Variants in KATNAL1 observed in about 807,000 individuals in gnomAD.
The protein encoded by KATNAL1 is katanin catalytic subunit A1 like 1.
KATNAL1 carries 32 observed loss-of-function variants against 55.2 expected under a neutral mutation model. The ratio of observed to expected loss-of-function variants is 0.58; its 90% CI spans 0.44 to 0.78. The LOEUF is 0.78. Among genes scored for constraint, KATNAL1 ranks in the 30% least tolerant of loss-of-function variants. The pLI is 0.00. For synonymous variants in KATNAL1, 193 were observed against 193.6 expected (o/e 1.00, Z 0.02); for missense variants, 466 against 600.9 (o/e 0.78, Z 2.35).
chr13:30,230,809 G>C (rs1030599332), intron 7 of KATNAL1, among the ~76,000 whole-genome samples: 23 of 152,272 alleles, frequency 1.5e-4, no homozygotes, highest in Middle Eastern at 6.8e-3. Context: ...CTGGGTGATA[G>C]ATACATAGGG....
At chr13:30,232,601 G>A (rs550585353) in intron 6 of KATNAL1, among the ~76,000 whole-genome samples, 86 of 152,238 alleles carry the variant, frequency 5.6e-4, no homozygotes, top group African/African-American at 1.9e-3. Context: ...TTATTTCTCC[G>A]ATGCCTTTTT....
At chr13:30,303,264 CA>C (rs776545849) in intron 1 of KATNAL1, among the ~76,000 whole-genome samples, 1 of 152,336 alleles carries the variant, frequency 6.6e-6, no homozygotes, top group East Asian at 1.9e-4. Flanking sequence ...AAAACTACTC[CA>C]TTTTTTTTAA....
intron 3 of KATNAL1, among the ~76,000 whole-genome samples, chr13:30,265,892 A>G (rs1357529372): frequency 6.6e-6 from 1 of 150,750 alleles, no homozygotes; most frequent in Non-Finnish European, 1.5e-5. Context: ...CGTGCCTATA[A>G]TCCCAGCTAC....
chr13:30,283,865 T>C lies in KATNAL1; in HGVS notation c.-14-74A>G, dbSNP rs919796566. 1.1e-5 allele frequency: 11 copies of C among 1,046,710 alleles called. No homozygotes were observed. The Admixed American group carries it at 2.0e-4, about 19-fold the overall frequency. The allele number at this position is 1,046,710 out of a possible 1,614,324, so 64.8% of individuals were successfully genotyped here. The stretch of plus-strand genomic sequence containing the variant: ...AAAACATTTATTATTCTTTAAAATA[T>C]GTTTAAAACTACTTTTTTTTTTTTT... On this transcript the variant is annotated intron_variant, in intron 1 of 10. Coordinates refer to ENST00000380615, the MANE Select transcript of KATNAL1 (RefSeq NM_032116.5).
At chr13:30,231,243 A>G (rs894259072) in intron 7 of KATNAL1, 71 bp downstream of exon 7, 1 of 1,232,940 alleles carries the variant, frequency 8.1e-7, no homozygotes, top group Non-Finnish European at 1.1e-6. Flanking sequence ...TTCCAGGTGG[A>G]CAGAACTGAT....
At chr13:30,224,468 AGGCT>A (rs1875234025) in intron 9 of KATNAL1, among the ~76,000 whole-genome samples, 1 of 151,924 alleles carries the variant, frequency 6.6e-6, no homozygotes, top group Non-Finnish European at 1.5e-5. Context: ...CAAAAGTTTG[AGGCT>A]GCAGTGAGCT....
At chr13:30,234,957 A>T (rs1876504321) in intron 6 of KATNAL1, among the ~76,000 whole-genome samples, 1 of 152,176 alleles carries the variant, frequency 6.6e-6, no homozygotes, top group African/African-American at 2.4e-5. Flanking sequence ...TATGCCAACA[A>T]GACTACTCAG....
chr13:30,257,479 G>A (rs1413355679), intron 3 of KATNAL1, among the ~76,000 whole-genome samples: 2 of 152,206 alleles, frequency 1.3e-5, no homozygotes, highest in African/African-American at 4.8e-5. Context: ...CTGGATGCCA[G>A]GCTGCTTGCC....
chr13:30,289,036 T>C (rs1464332131), intron 1 of KATNAL1, among the ~76,000 whole-genome samples: 6 of 152,242 alleles, frequency 3.9e-5, no homozygotes, highest in Non-Finnish European at 8.8e-5. Context: ...TTTACTACCA[T>C]CAGTTATAAC....
chr13:30,221,635 C>T (rs1566088903), intron 9 of KATNAL1, among the ~76,000 whole-genome samples: 1 of 152,188 alleles, frequency 6.6e-6, no homozygotes, highest in Non-Finnish European at 1.5e-5. Context: ...TATTTATTAT[C>T]CTCAAAGTTT....
intron 9 of KATNAL1, among the ~76,000 whole-genome samples, chr13:30,213,877 C>T (rs1344199199): frequency 6.6e-6 from 1 of 152,068 alleles, no homozygotes; most frequent in African/African-American, 2.4e-5. Flanking sequence ...ACAGGGATGC[C>T]CTCTCTCACC....
At chr13:30,218,205 A>AATATATATATATATAT (rs34056263) in intron 9 of KATNAL1, among the ~76,000 whole-genome samples, 4 of 139,502 alleles carry the variant, frequency 2.9e-5, no homozygotes, top group African/African-American at 1.1e-4. Flanking sequence ...CAGTAAAAGG[A>AATATATATATATATAT]ATATATATAT....
intron 4 of KATNAL1, among the ~76,000 whole-genome samples, chr13:30,246,779 A>G (rs1472170383): frequency 2.0e-5 from 3 of 152,094 alleles, no homozygotes; most frequent in Non-Finnish European, 4.4e-5. Flanking sequence ...TGTGGCCAAC[A>G]AACATGAAAA....
chr13:30,244,352 A>G (rs1362109935), intron 4 of KATNAL1, among the ~76,000 whole-genome samples: 1 of 152,110 alleles, frequency 6.6e-6, no homozygotes, highest in East Asian at 1.9e-4. Context: ...GGTTGGTTCC[A>G]AGTCTTTGCT....
At chr13:30,226,944 T>C (rs1461275078) in intron 9 of KATNAL1, among the ~76,000 whole-genome samples, 4 of 152,072 alleles carry the variant, frequency 2.6e-5, no homozygotes, top group Non-Finnish European at 5.9e-5. Flanking sequence ...GGTGTGGTGG[T>C]ACACACCTGT....
chr13:30,292,586 A>G (rs1882205615), intron 1 of KATNAL1, among the ~76,000 whole-genome samples: 1 of 152,144 alleles, frequency 6.6e-6, no homozygotes, highest in Non-Finnish European at 1.5e-5. Context: ...TGCTCTGGAG[A>G]AAGACACTAT....
At position 30,302,714 on chromosome 13, in the gene KATNAL1, T is replaced by C. The variant is rs967605144; in HGVS notation, c.-15+4617A>G. The stretch of plus-strand genomic sequence containing the variant: ...ATGATTTCCTTAAAAAACACAAGAG[T>C]GAGTATACCAAAACTAGTTTGAGCA... On this transcript the variant is annotated intron_variant, in intron 1 of 10. Coordinates refer to ENST00000380615, the MANE Select transcript of KATNAL1 (RefSeq NM_032116.5). Among the ~76,000 whole-genome samples the C allele has an allele frequency of 2.6e-5, 4 of 151,926 alleles. 1 individual carries two copies. In the South Asian group the frequency reaches 8.3e-4, roughly 31 times the overall value.
intron 3 of KATNAL1, among the ~76,000 whole-genome samples, chr13:30,265,227 G>T (rs1427290176): frequency 1.3e-5 from 2 of 150,870 alleles, no homozygotes; most frequent in South Asian, 2.1e-4. Context: ...CTGTTGTGGG[G>T]TGGGGGGACG....
chr13:30,254,111 C>G (rs77065983), intron 4 of KATNAL1, among the ~76,000 whole-genome samples: 9,092 of 152,192 alleles, frequency 0.06, 342 homozygotes, highest in Admixed American at 0.085. Flanking sequence ...TTACCCTGTT[C>G]TAAAGGTTTA....
Sources: allele counts gnomAD v4.1 joint callset (sites outside exome capture counted in the v4.1 genomes callset), GRCh38; gene constraint gnomAD v4.1.1; transcripts MANE v1.5; gene names NCBI Gene and HGNC (gene_info 2026-07-23, HGNC 2026-07-21).